PHF20: variants seen among roughly 807,000 people sequenced by gnomAD.
The protein encoded by PHF20 is PHD finger protein 20, also known as glioma-expressed antigen 2.
Under a neutral mutation model 113.5 loss-of-function variants are expected in PHF20, and 23 were observed. That is an observed-to-expected ratio of 0.20 (90% CI 0.15 to 0.29). PHF20 has a LOEUF of 0.29. Ranked by LOEUF, PHF20 falls within the 10% of genes least tolerant of loss-of-function variation. The pLI, the probability that PHF20 is intolerant of heterozygous loss-of-function variation, is 1.00. For synonymous variants in PHF20, 434 were observed against 457.3 expected (o/e 0.95, Z 0.65); for missense variants, 943 against 1,219.6 (o/e 0.77, Z 3.38).
At chr20:35,788,807 T>C (rs1362472587) in intron 1 of PHF20, among the ~76,000 whole-genome samples, 1 of 151,474 alleles carries the variant, frequency 6.6e-6, no homozygotes, top group African/African-American at 2.4e-5. Context: ...TGAACTGACG[T>C]CAGGCGATCC....
At chr20:35,816,540 C>G (rs2042077122) in intron 2 of PHF20, among the ~76,000 whole-genome samples, 1 of 151,320 alleles carries the variant, frequency 6.6e-6, no homozygotes, top group Non-Finnish European at 1.5e-5. Flanking sequence ...ACCTCTGCCT[C>G]CGGGGTTCAA....
chr20:35,916,133 A>G (rs1248634654), intron 12 of PHF20, among the ~76,000 whole-genome samples: 3 of 152,252 alleles, frequency 2.0e-5, no homozygotes, highest in South Asian at 2.1e-4. Context: ...CCCTGTCTCA[A>G]AAATAAGTAA....
rs568873868 is a variant in PHF20 at position 35,880,801 on chromosome 20, A to T, written c.1282+8972A>T. 1.3e-3 allele frequency among the ~76,000 whole-genome samples: 194 copies of T among 152,100 alleles called. 1 individual carries two copies. Among genetic ancestry groups the T allele is most frequent in the African/African-American group, 4.3e-3 (177 of 41,512 alleles). On this transcript the variant is annotated intron_variant, in intron 9 of 17. Coordinates refer to ENST00000374012, the MANE Select transcript of PHF20 (RefSeq NM_016436.5). ...CATAGTGAAACCCTTTCTCTACAAA[A>T]ATAAAAAAATTAGTCAGGCGTGATG... is the stretch of plus-strand genomic sequence containing the variant.
intron 13 of PHF20, among the ~76,000 whole-genome samples, chr20:35,919,484 C>T (rs1031516367): frequency 2.6e-5 from 4 of 151,908 alleles, no homozygotes; most frequent in South Asian, 2.1e-4. Context: ...GGACTATAGG[C>T]GCCTGCCACC....
At chr20:35,785,082 A>T (rs963933166) in intron 1 of PHF20, among the ~76,000 whole-genome samples, 6 of 149,964 alleles carry the variant, frequency 4.0e-5, no homozygotes, top group African/African-American at 1.5e-4. Flanking sequence ...TGGGTTTTGG[A>T]GGAAGGAGGT....
intron 2 of PHF20, among the ~76,000 whole-genome samples, chr20:35,807,037 T>G (rs540992810): frequency 6.6e-6 from 1 of 151,954 alleles, no homozygotes; most frequent in South Asian, 2.1e-4. Context: ...CCTTGTGATC[T>G]GCCCGCCTTG....
chr20:35,843,845 T>A (rs1158944683), intron 3 of PHF20, among the ~76,000 whole-genome samples: 1 of 152,190 alleles, frequency 6.6e-6, no homozygotes, highest in Admixed American at 6.5e-5. Flanking sequence ...CCCACAGTGC[T>A]AGGATTATAG....
At chr20:35,826,980 G>C (rs1405916982) in intron 2 of PHF20, among the ~76,000 whole-genome samples, 9 of 151,778 alleles carry the variant, frequency 5.9e-5, no homozygotes, top group Non-Finnish European at 1.3e-4. Context: ...TTAATAGTCA[G>C]CCTTTTGTTT....
In PHF20 at chr20:35,863,171, G is replaced by C. The variant is rs931628551; in HGVS notation, c.579G>C (p.Gln193His). ...TAAAGACAGAAAAGCGACCCAAGCA[G>C]CCTGATAAAGAAGGAAAGTTAATCT... ...KPLKTEKRPK[Q>H]PDKEGKLICS... Residue 193 changes from glutamine to histidine, a missense_variant, in exon 6 of 18, where the codon CAG (glutamine) becomes CAC (histidine). This residue lies in a region of PHF20 where 592 missense variants were observed against 787.2 expected (regional missense o/e 0.75). Transcript: ENST00000374012. The C allele has an allele frequency of 1.2e-6, 2 of 1,613,662 alleles. No homozygotes were observed. Among genetic ancestry groups the C allele is most frequent in the Non-Finnish European group, 1.7e-6 (2 of 1,179,944 alleles).
At chr20:35,917,830 G>A (rs1350701474) in intron 13 of PHF20, among the ~76,000 whole-genome samples, 168 bp downstream of exon 13, 1 of 152,152 alleles carries the variant, frequency 6.6e-6, no homozygotes, top group African/African-American at 2.4e-5. Flanking sequence ...GTTCCAGGCT[G>A]CCATACATAG....
intron 3 of PHF20, among the ~76,000 whole-genome samples, chr20:35,844,547 A>G (rs1235693015): frequency 5.4e-5 from 4 of 74,412 alleles, no homozygotes; most frequent in African/African-American, 1.8e-4. Context: ...CCATCACCAC[A>G]CACACACACA....
chr20:35,871,785 C>G lies in PHF20; in HGVS notation c.1238C>G (p.Pro413Arg). The G allele has an allele frequency of 6.2e-7, 1 of 1,612,696 alleles. No homozygotes were observed. Among genetic ancestry groups the G allele is most frequent in the Non-Finnish European group, 8.5e-7 (1 of 1,179,242 alleles). Residue 413 changes from proline to arginine, a missense_variant, in exon 9 of 18, where the codon CCG (proline) becomes CGG (arginine). Physicochemically the swap from Pro to Arg is moderately radical, Grantham distance 103. Coordinates refer to ENST00000374012, the MANE Select transcript of PHF20 (RefSeq NM_016436.5). ...GGAGAAAACACGATGAAAACAGAACCGACTTCTCCCCTTGTGGAATTACAA... is the reference window on the plus strand; with the variant it reads ...GGAGAAAACACGATGAAAACAGAACGGACTTCTCCCCTTGTGGAATTACAA... ...SMGENTMKTE[P>R]TSPLVELQEI...
chr20:35,898,222 G>T, intron 9 of PHF20, among the ~76,000 whole-genome samples: 1 of 152,154 alleles, frequency 6.6e-6, no homozygotes, highest in East Asian at 1.9e-4. Flanking sequence ...AACAAAGTAC[G>T]TGTTGAAATC....
chr20:35,841,312 C>A (rs1211322621), intron 2 of PHF20, among the ~76,000 whole-genome samples: 1 of 151,970 alleles, frequency 6.6e-6, no homozygotes, highest in African/African-American at 2.4e-5. Flanking sequence ...CACTGTACTT[C>A]GGCCTGGGTG....
chr20:35,938,693 A>G lies in PHF20; in HGVS notation c.2301-4A>G, dbSNP rs1568799656. 6 of 1,597,894 alleles carry G rather than the reference A, an allele frequency of 3.8e-6. No homozygotes were observed. Among genetic ancestry groups the G allele is most frequent in the South Asian group, 3.4e-5 (3 of 88,604 alleles). The stretch of plus-strand genomic sequence containing the variant: ...AGCCCATGTCCTCTTTGTCCTCTCA[A>G]CAGAAGCCGGGAGCATCCTGATCTG... On this transcript the variant is annotated splice_polypyrimidine_tract_variant and splice_region_variant and intron_variant, in intron 15 of 17. Transcript: ENST00000374012.
chr20:35,937,398 G>A (rs1443888452), intron 15 of PHF20, among the ~76,000 whole-genome samples: 1 of 151,706 alleles, frequency 6.6e-6, no homozygotes, highest in East Asian at 1.9e-4. Context: ...AACCTGGGAG[G>A]TGGAGGTTGT....
chr20:35,836,445 A>G (rs2042441223), intron 2 of PHF20, among the ~76,000 whole-genome samples: 1 of 152,142 alleles, frequency 6.6e-6, no homozygotes. Context: ...GTGTGTCTTC[A>G]TTCTTTCTTG....
chr20:35,936,370 C>G (rs2055864641), intron 15 of PHF20, among the ~76,000 whole-genome samples: 1 of 152,134 alleles, frequency 6.6e-6, no homozygotes, highest in African/African-American at 2.4e-5. Flanking sequence ...AGTGGGAGAG[C>G]TGAGACGGGA....
chr20:35,926,342 A>T (rs1199070248), intron 13 of PHF20, among the ~76,000 whole-genome samples: 2 of 133,232 alleles, frequency 1.5e-5, no homozygotes, highest in African/African-American at 5.8e-5. Context: ...GGTTCACGCC[A>T]TTCTCCTGCC....
Sources: allele counts gnomAD v4.1 joint callset (sites outside exome capture counted in the v4.1 genomes callset), GRCh38; gene constraint gnomAD v4.1.1; regional missense constraint gnomAD v4.1.1; transcripts MANE v1.5; gene names NCBI Gene and HGNC (gene_info 2026-07-23, HGNC 2026-07-21).